Variants in RALYL observed in about 807,000 individuals in gnomAD.
The protein encoded by RALYL is RALY RNA binding protein like.
A neutral mutation model predicts 35.1 loss-of-function variants in RALYL; 29 were observed. That is an observed-to-expected ratio of 0.83 (90% CI 0.61 to 1.13). The LOEUF is 1.13. Among genes scored for constraint, RALYL ranks in the 50% most tolerant of loss-of-function variants. The probability of loss-of-function intolerance (pLI) is 0.00; values close to 1 mark genes in which losing one functional copy is unlikely to be tolerated. For missense variants in RALYL, 359 were observed against 360.4 expected (o/e 1.00, Z 0.03); for synonymous variants, 120 against 127.6 (o/e 0.94, Z 0.40).
intron 2 of RALYL, among the ~76,000 whole-genome samples, chr8:84,552,362 T>A (rs530612877): frequency 8.4e-4 from 79 of 93,996 alleles, no homozygotes; most frequent in African/African-American, 2.5e-3. Context: ...ATATATATTT[T>A]TTTTTTTTTT....
intron 8 of RALYL, among the ~76,000 whole-genome samples, chr8:84,909,943 A>G (rs1847220610): frequency 6.6e-6 from 1 of 152,110 alleles, no homozygotes; most frequent in South Asian, 2.1e-4. Flanking sequence ...CTAACAATTA[A>G]CTAACAGGTC....
intron 8 of RALYL, among the ~76,000 whole-genome samples, chr8:84,901,121 A>G (rs978204759): frequency 6.6e-6 from 1 of 152,170 alleles, no homozygotes; most frequent in Non-Finnish European, 1.5e-5. Context: ...CTTAAGAAAT[A>G]TATTCCTGGG....
intron 1 of RALYL, among the ~76,000 whole-genome samples, chr8:84,503,301 A>T (rs1176711632): frequency 6.7e-6 from 1 of 150,002 alleles, no homozygotes; most frequent in Admixed American, 6.6e-5. Flanking sequence ...CTACAGGCAC[A>T]CACCACCATG....
intron 1 of RALYL, among the ~76,000 whole-genome samples, chr8:84,437,360 C>A (rs2047849570): frequency 6.6e-6 from 1 of 152,144 alleles, no homozygotes; most frequent in Non-Finnish European, 1.5e-5. Flanking sequence ...AATTTACTTT[C>A]TTTCAGATAT....
At chr8:84,702,047 TAAG>T (rs1840292212) in intron 2 of RALYL, among the ~76,000 whole-genome samples, 1 of 152,164 alleles carries the variant, frequency 6.6e-6, no homozygotes, top group African/African-American at 2.4e-5. Context: ...AGAATGATGA[TAAG>T]AATAATAAAA....
At position 84,551,049 on chromosome 8, in the gene RALYL, A is replaced by C. The variant is rs566699445; in HGVS notation, c.256+21472A>C. 6.6e-5 allele frequency among the ~76,000 whole-genome samples: 10 copies of C among 152,220 alleles called. No homozygotes were observed. In the South Asian group the frequency reaches 1.9e-3, roughly 28 times the overall value. ...TTACACACAAACTAAGGAGGCACAG[A>C]AAAGAATATGGCAGGTTTTTTTCTA... On this transcript the variant is annotated intron_variant, in intron 2 of 8. Transcript: ENST00000521268.
chr8:84,665,794 C>T (rs1286941261), intron 2 of RALYL: 1 of 151,856 alleles, frequency 6.6e-6, no homozygotes, highest in African/African-American at 2.4e-5. Context: ...TGCATGTAAT[C>T]CTTGTGCAGG....
intron 1 of RALYL, among the ~76,000 whole-genome samples, chr8:84,390,114 C>G (rs1336896852): frequency 6.6e-6 from 1 of 152,034 alleles, no homozygotes; most frequent in African/African-American, 2.4e-5. Flanking sequence ...TGGTTTTTGT[C>G]TTTGGTTCTG....
At chr8:84,330,133 G>A (rs1013026449) in intron 1 of RALYL, among the ~76,000 whole-genome samples, 2 of 152,078 alleles carry the variant, frequency 1.3e-5, no homozygotes, top group Non-Finnish European at 2.9e-5. Context: ...GTGTAGAGAT[G>A]CATAACTTCT....
chr8:84,583,775 A>C (rs1315210994), intron 2 of RALYL, among the ~76,000 whole-genome samples: 9 of 152,150 alleles, frequency 5.9e-5, no homozygotes, highest in Non-Finnish European at 1.2e-4. Context: ...CTAGGAGGCT[A>C]AGGTATCTTG....
At chr8:84,399,338 C>T (rs1452908074) in intron 1 of RALYL, among the ~76,000 whole-genome samples, 1 of 152,160 alleles carries the variant, frequency 6.6e-6, no homozygotes, top group African/African-American at 2.4e-5. Context: ...ACATGGAGAG[C>T]ACAGTCTTGT....
At chr8:84,512,541 TC>T (rs1475873371) in intron 1 of RALYL, among the ~76,000 whole-genome samples, 1 of 152,146 alleles carries the variant, frequency 6.6e-6, no homozygotes, top group Non-Finnish European at 1.5e-5. Flanking sequence ...TTTAATATAG[TC>T]CCATTTGTCT....
chr8:84,687,488 T>A (rs1027208038), intron 2 of RALYL, among the ~76,000 whole-genome samples: 2 of 152,106 alleles, frequency 1.3e-5, no homozygotes, highest in Non-Finnish European at 2.9e-5. Flanking sequence ...TCCACATGGA[T>A]GATCAAATTT....
chr8:84,855,967 C>T (rs1407444442), intron 5 of RALYL, among the ~76,000 whole-genome samples: 2 of 152,118 alleles, frequency 1.3e-5, no homozygotes, highest in Admixed American at 6.5e-5. Flanking sequence ...TTGCAGTTAA[C>T]GCAAGAACAC....
chr8:84,687,374 T>C (rs1486254079), intron 2 of RALYL, among the ~76,000 whole-genome samples: 2 of 152,238 alleles, frequency 1.3e-5, no homozygotes, highest in Non-Finnish European at 2.9e-5. Context: ...AGAACACTCT[T>C]GATAGAAGCA....
chr8:84,431,148 A>G (rs898091238), intron 1 of RALYL, among the ~76,000 whole-genome samples: 6 of 152,172 alleles, frequency 3.9e-5, no homozygotes, highest in Non-Finnish European at 1.5e-5. Context: ...ATTTACAGGC[A>G]TTAGCATCTT....
At chr8:84,874,930 T>A (rs1226382119) in intron 7 of RALYL, among the ~76,000 whole-genome samples, 2 of 152,176 alleles carry the variant, frequency 1.3e-5, no homozygotes, top group Admixed American at 6.5e-5. Context: ...ATACGGCTCA[T>A]TTTTAAAAAA....
intron 3 of RALYL, among the ~76,000 whole-genome samples, chr8:84,777,640 T>C (rs1473063318): frequency 6.6e-6 from 1 of 152,094 alleles, no homozygotes; most frequent in African/African-American, 2.4e-5. Flanking sequence ...TTTTGTTTTG[T>C]TTTGTTTTAT....
chr8:84,280,756 AATATAT>A (rs1836379433), intron 1 of RALYL, among the ~76,000 whole-genome samples: 1 of 150,008 alleles, frequency 6.7e-6, no homozygotes, highest in Admixed American at 6.7e-5. Flanking sequence ...CACATATATA[AATATAT>A]ATAATATACA....
Sources: gnomAD v4.1 joint callset for allele counts (sites outside exome capture counted in the v4.1 genomes callset) on GRCh38, gnomAD v4.1.1 for gene constraint, MANE v1.5 for transcripts, NCBI Gene and HGNC (gene_info 2026-07-23, HGNC 2026-07-21) for gene names.